Variants in EML2 observed in about 807,000 individuals in gnomAD.
The protein encoded by EML2 is echinoderm microtubule-associated protein-like 2.
In EML2, 59 loss-of-function variants were observed where a neutral mutation model predicts 84.7. The observed-to-expected ratio is 0.70, with a 90% confidence interval of 0.56 to 0.86. EML2 has a LOEUF of 0.86. Ranked by LOEUF, EML2 falls within the 40% of genes least tolerant of loss-of-function variation. EML2 has a pLI of 0.00. For synonymous variants in EML2, 352 were observed against 348.9 expected (o/e 1.01, Z -0.10); for missense variants, 818 against 855.6 (o/e 0.96, Z 0.55).
At chr19:45,636,313 A>G (rs1461175204) in intron 3 of EML2, among the ~76,000 whole-genome samples, 1 of 152,194 alleles carries the variant, frequency 6.6e-6, no homozygotes, top group Non-Finnish European at 1.5e-5. Context: ...TAGAGATGGG[A>G]TCTCGCTTTG....
chr19:45,618,955 A>T (rs749580195), intron 12 of EML2, 105 bp downstream of exon 12: 1 of 1,315,150 alleles, frequency 7.6e-7, no homozygotes, highest in East Asian at 2.7e-5. Context: ...TCGAAGAAAA[A>T]AAAAAAAAGA....
chr19:45,643,582 G>A (rs989270052), upstream of EML2: 18 of 1,535,966 alleles, frequency 1.2e-5, no homozygotes, highest in Non-Finnish European at 1.6e-5. Flanking sequence ...CTCATACCCA[G>A]ACTCATTGCT....
intron 15 of EML2, 97 bp downstream of exon 15, chr19:45,616,364 G>T: frequency 3.5e-6 from 3 of 865,148 alleles, no homozygotes; most frequent in South Asian, 3.2e-5. Context: ...AGAATCAGTT[G>T]AGTGTTGAAG....
chr19:45,639,052 T>C, intron 1 of EML2, 179 bp from the exon 2 acceptor site: 1 of 831,714 alleles, frequency 1.2e-6, no homozygotes, highest in East Asian at 2.4e-5. Flanking sequence ...TTGCAGAGCC[T>C]AAGACACAGG....
intron 9 of EML2, among the ~76,000 whole-genome samples, chr19:45,623,134 C>T (rs1221842625): frequency 6.6e-6 from 1 of 150,592 alleles, no homozygotes; most frequent in Non-Finnish European, 1.5e-5. Flanking sequence ...CCGAGGTGGG[C>T]GGATCACGAG....
At chr19:45,621,130 G>C in intron 11 of EML2, 77 bp downstream of exon 11, 1 of 1,553,020 alleles carries the variant, frequency 6.4e-7, no homozygotes, top group East Asian at 2.4e-5. Context: ...TGGGAGTGGG[G>C]AGGGGGAGTG....
rs1334427619 is a variant in EML2 at position 45,638,602 on chromosome 19, G to C, written c.82C>G (p.Arg28Gly). ...TCTGGGATCATCATGGGCACAGGGC[G>C]GCCCCTCAGGAACATTTTCACGGAG... is the stretch of plus-strand genomic sequence containing the variant. Reference protein sequence around the residue: ...DGSVKMFLRGRPVPMMIPDEL... With the variant: ...DGSVKMFLRGGPVPMMIPDEL... Residue 28 changes from arginine (R) to glycine (G), a missense_variant, in exon 3 of 19, where the codon CGC becomes GGC. Coordinates refer to ENST00000245925, the MANE Select transcript of EML2 (RefSeq NM_012155.4). 7 of 1,613,878 alleles carry C rather than the reference G, an allele frequency of 4.3e-6. No individual in the cohort carries two copies. The South Asian group carries it at 4.4e-5, about 10-fold the overall frequency.
chr19:45,642,144 G>A (rs1215320261), upstream of EML2: 2 of 1,508,552 alleles, frequency 1.3e-6, no homozygotes, highest in East Asian at 2.5e-5. Flanking sequence ...CCGAGGCAGT[G>A]GTGCCTAAGC....
chr19:45,614,167 T>G (rs568342807), intron 17 of EML2, among the ~76,000 whole-genome samples: 1 of 152,286 alleles, frequency 6.6e-6, no homozygotes, highest in African/African-American at 2.4e-5. Context: ...GTAGGCCAGA[T>G]GCCCCACCCT....
In EML2 at chr19:45,611,499, C is replaced by CTTA. The variant is rs35553113; in HGVS notation, c.1825-1712_1825-1711insTAA. Among the ~76,000 whole-genome samples, 205 of 149,850 alleles carry CTTA rather than the reference C, an allele frequency of 1.4e-3. 6 individuals are homozygous for CTTA. The highest frequency in any genetic ancestry group is 4.1e-3 in the African/African-American group (166 of 40,030). On this transcript the variant is annotated intron_variant, in intron 18 of 18. Transcript: ENST00000245925. ...AACAATTCTTCTTCTTCTTCTTCTT[C>CTTA]TTTTGAGACAGAATCTCGCTCTTTT...
chr19:45,636,259 C>T (rs1973711792), intron 3 of EML2, among the ~76,000 whole-genome samples: 1 of 152,164 alleles, frequency 6.6e-6, no homozygotes, highest in South Asian at 2.1e-4. Flanking sequence ...CAGGCATGAG[C>T]CAATGCACCC....
upstream of EML2, chr19:45,641,572 G>A (rs1974504323): frequency 2.1e-6 from 3 of 1,458,458 alleles, no homozygotes; most frequent in Non-Finnish European, 2.8e-6. Context: ...GTGGCCTGGG[G>A]CATGACTACA....
At chr19:45,645,480 G>T (rs1303440035), upstream of EML2, 2 of 1,406,246 alleles carry the variant, frequency 1.4e-6, no homozygotes, top group Admixed American at 3.2e-5. Context: ...GGCGGCCGGC[G>T]CCGGGCCCGG....
At chr19:45,633,164 C>G (rs775565393) in intron 4 of EML2, 25 bp from the exon 5 acceptor site, 20 of 1,602,980 alleles carry the variant, frequency 1.2e-5, no homozygotes, top group Non-Finnish European at 1.7e-5. Flanking sequence ...GACAGAGAGA[C>G]CAGGGCTCAG....
intron 9 of EML2, 124 bp from the exon 10 acceptor site, chr19:45,621,761 T>A: frequency 8.5e-7 from 1 of 1,171,552 alleles, no homozygotes; most frequent in Non-Finnish European, 1.2e-6. Context: ...TTTTTTTTTT[T>A]TTTGAGACGG....
At chr19:45,641,546 T>A (rs1974500919), upstream of EML2, 2 of 1,272,592 alleles carry the variant, frequency 1.6e-6, no homozygotes, top group Admixed American at 2.1e-5. Flanking sequence ...CTGGCCCCAC[T>A]CTAGGTTACG....
chr19:45,642,348 G>A (rs1442708497), upstream of EML2: 4 of 1,529,106 alleles, frequency 2.6e-6, no homozygotes, highest in Middle Eastern at 1.7e-4. Flanking sequence ...CCGACAAATT[G>A]TCATCTGGAA....
intron 3 of EML2, among the ~76,000 whole-genome samples, chr19:45,636,033 T>A (rs1973689722): frequency 1.3e-5 from 2 of 152,188 alleles, no homozygotes; most frequent in African/African-American, 4.8e-5. Flanking sequence ...AGTGTCCTTA[T>A]AAATGACAGA....
At position 45,616,461 on chromosome 19, in the gene EML2, C is replaced by A; in HGVS notation, c.1509G>T (p.Ser503=). The change falls in exon 15 of 19, where the codon TCG becomes TCT. Residue 503 remains serine (S), a splice_region_variant and synonymous_variant. Transcript: ENST00000245925. ...GGGCTGGGGGCCACTGCCCACTCAC[C>A]GAGCACTTGCCCAGGCGGCTGACCT... ...GRKVSRLGKC[S]GHSSFITHLD... 6.3e-7 allele frequency: 1 copy of A among 1,584,250 alleles called. No homozygotes were observed. Among genetic ancestry groups the A allele is most frequent in the Non-Finnish European group, 8.6e-7 (1 of 1,159,270 alleles).
Sources: allele counts gnomAD v4.1 joint callset (sites outside exome capture counted in the v4.1 genomes callset), GRCh38; gene constraint gnomAD v4.1.1; transcripts MANE v1.5; gene names NCBI Gene and HGNC (gene_info 2026-07-23, HGNC 2026-07-21).